SPTBN1: variants seen among roughly 807,000 people sequenced by gnomAD.
The protein encoded by SPTBN1 is spectrin beta, non-erythrocytic 1.
Under a neutral mutation model 266.4 loss-of-function variants are expected in SPTBN1, and 32 were observed. The ratio of observed to expected loss-of-function variants is 0.12; its 90% CI spans 0.09 to 0.16. SPTBN1 has a LOEUF of 0.16. Among genes scored for constraint, SPTBN1 ranks in the 10% least tolerant of loss-of-function variants. SPTBN1 has a pLI of 1.00. For missense variants in SPTBN1, 2,296 were observed against 3,067.1 expected, an observed-to-expected ratio of 0.75 and a Z score of 5.94; for synonymous variants, 1,336 against 1,162.2, an observed-to-expected ratio of 1.15 and a Z score of -3.04.
intron 3 of SPTBN1, among the ~76,000 whole-genome samples, chr2:54,603,438 C>G (rs1279644556): frequency 1.3e-5 from 2 of 152,210 alleles, no homozygotes; most frequent in Non-Finnish European, 2.9e-5. Context: ...TGGGCAACCT[C>G]TGCTTTACAG....
chr2:54,572,241 C>T (rs1466974683), intron 2 of SPTBN1, among the ~76,000 whole-genome samples: 2 of 152,076 alleles, frequency 1.3e-5, no homozygotes, highest in African/African-American at 4.8e-5. Flanking sequence ...TGAGATGGGG[C>T]AAGAATATTT....
chr2:54,552,413 C>G lies in SPTBN1; in HGVS notation c.148+25847C>G, dbSNP rs191116439. Among the ~76,000 whole-genome samples, 647 of 151,874 alleles carry G rather than the reference C, an allele frequency of 4.3e-3. 2 individuals are homozygous for G. The highest frequency in any genetic ancestry group is 7.3e-3 in the Admixed American group (112 of 15,260). ...TGCCAACTTTTTAGGCACAGAGAAC[C>G]AAGGTTAAAAATTGGCAGAGCCAGC... On this transcript the variant is annotated intron_variant, in intron 2 of 35. Transcript: ENST00000356805.
At chr2:54,466,735 C>T (rs897736266) in intron 1 of SPTBN1, among the ~76,000 whole-genome samples, 1 of 151,876 alleles carries the variant, frequency 6.6e-6, no homozygotes, top group African/African-American at 2.4e-5. Flanking sequence ...ATAACAAATT[C>T]TTGTTCTTTA....
rs1014387484 is a variant in SPTBN1 at position 54,469,217 on chromosome 2, C to T, written c.-48+12699C>T. 5.9e-5 allele frequency among the ~76,000 whole-genome samples: 9 copies of T among 152,106 alleles called. No individual in the cohort carries two copies. In the South Asian group the frequency reaches 1.2e-3, roughly 21 times the overall value. On this transcript the variant is annotated intron_variant, in intron 1 of 35. Transcript: ENST00000356805. ...CTGAGGAAGGTGCCAAAACGGCTTC[C>T]GTATCTGCTGAAGGAAAAGAGGGAG...
rs181776585 is a variant in SPTBN1, at chr2:54,584,413, A to C, written c.149-14679A>C. Among the ~76,000 whole-genome samples the C allele has an allele frequency of 5.8e-3, 886 of 152,364 alleles. 7 individuals are homozygous for C. The highest frequency in any genetic ancestry group is 0.02 in the African/African-American group (834 of 41,582). On this transcript the variant is annotated intron_variant, in intron 2 of 35. Coordinates refer to ENST00000356805, the MANE Select transcript of SPTBN1 (RefSeq NM_003128.3). Reference sequence around the variant, plus strand: ...ATATTTCTAGAAAACAAATATCTATAGATGTGATTAGTAGATGGAGGAAAT... The same window carrying C: ...ATATTTCTAGAAAACAAATATCTATCGATGTGATTAGTAGATGGAGGAAAT...
rs200574494 is a variant in SPTBN1, at chr2:54,668,539, G to A, written c.7065G>A (p.Lys2355=). 8.7e-6 allele frequency: 14 copies of A among 1,614,102 alleles called. No individual in the cohort carries two copies. Among genetic ancestry groups the A allele is most frequent in the Non-Finnish European group, 1.2e-5 (14 of 1,180,000 alleles). Residue 2355 remains lysine (K), a synonymous_variant, in exon 36 of 36, where the codon AAG becomes AAA. Coordinates refer to ENST00000356805, the MANE Select transcript of SPTBN1 (RefSeq NM_003128.3). Reference sequence around the variant, plus strand: ...AGGACAAAGAGAAAGACAAAGAGAAGCGGTTCAGCCTTTTTGGCAAAAAGA... The same window carrying A: ...AGGACAAAGAGAAAGACAAAGAGAAACGGTTCAGCCTTTTTGGCAAAAAGA... ...REKDKEKDKE[K]RFSLFGKKK
In SPTBN1 at chr2:54,628,734, A is replaced by C. The variant is rs1468087866; in HGVS notation, c.1799-199A>C. ...TCTGCGGTTTGGCCAAAAAAAAATA[A>C]TGTTTATCATTGCCCTCACTCCTGT... On this transcript the variant is annotated intron_variant, in intron 13 of 35. Transcript: ENST00000356805. The surrounding 1 kb of genome is among the most constrained non-coding windows in gnomAD (Gnocchi z 4.3). Among the ~76,000 whole-genome samples, 1 of 152,194 alleles carries C rather than the reference A, an allele frequency of 6.6e-6. No homozygotes were observed. Among genetic ancestry groups the C allele is most frequent in the Non-Finnish European group, 1.5e-5 (1 of 68,036 alleles).
intron 2 of SPTBN1, among the ~76,000 whole-genome samples, chr2:54,577,237 A>G (rs1674555705): frequency 6.6e-6 from 1 of 152,180 alleles, no homozygotes; most frequent in African/African-American, 2.4e-5. Flanking sequence ...CTAACCTGTT[A>G]GGGTTGTAGA....
rs1291496050 is a variant in SPTBN1 at position 54,558,277 on chromosome 2, A to C, written c.148+31711A>C. 1.9e-5 allele frequency: 19 copies of C among 985,238 alleles called. No individual in the cohort carries two copies. The highest frequency in any genetic ancestry group is 1.8e-4 in the Admixed American group (3 of 16,264). 61.0% of individuals were successfully genotyped at this position (985,238 alleles called of 1,614,324 possible). ...TCCCCCGCGCCCCTCCTCGTGGTATAGCCTGCATTTCTAATACAATGCTGT... is the reference window on the plus strand; with the variant it reads ...TCCCCCGCGCCCCTCCTCGTGGTATCGCCTGCATTTCTAATACAATGCTGT... On this transcript the variant is annotated intron_variant, in intron 2 of 35. Transcript: ENST00000356805. The surrounding 1 kb of genome is among the most constrained non-coding windows in gnomAD (Gnocchi z 4.6).
At chr2:54,573,069 T>C (rs1187767317) in intron 2 of SPTBN1, among the ~76,000 whole-genome samples, 1 of 152,224 alleles carries the variant, frequency 6.6e-6, no homozygotes, top group Non-Finnish European at 1.5e-5. Context: ...TGAAATGACC[T>C]TTCTTACCTC....
intron 2 of SPTBN1, among the ~76,000 whole-genome samples, chr2:54,531,608 G>GT (rs71408766): frequency 0.16 from 22,115 of 142,080 alleles, 1,654 homozygotes; most frequent in Middle Eastern, 0.2. Flanking sequence ...TTTGTTTTTT[G>GT]TTTTTTTTTT....
chr2:54,657,852 C>G lies in SPTBN1; in HGVS notation c.6049C>G (p.Leu2017Val), dbSNP rs1023854605. Residue 2017 changes from leucine to valine, a missense_variant and splice_region_variant, in exon 30 of 36, where the codon CTG (leucine) becomes GTG (valine). Leu to Val is a conservative substitution (Grantham distance 32). Transcript: ENST00000356805. ...CTAACTCATGGTACCCTGTGCAGTT[C>G]TGGAGGTCCATCAGTTCTCAAGAGA... ...EDRWEWLRLILEVHQFSRDAS... is the reference protein window; with the variant it reads ...EDRWEWLRLIVEVHQFSRDAS... The G allele has an allele frequency of 1.9e-6, 3 of 1,614,062 alleles. No homozygotes were observed. The highest frequency in any genetic ancestry group is 1.3e-5 in the African/African-American group (1 of 74,942).
chr2:54,529,490 C>T, intron 2 of SPTBN1: 1 of 715,724 alleles, frequency 1.4e-6, no homozygotes, highest in Non-Finnish European at 2.6e-6. Flanking sequence ...CTTCCAGCGG[C>T]CCAAGACACT....
At chr2:54,612,490 A>T (rs1677281242) in intron 4 of SPTBN1, among the ~76,000 whole-genome samples, 156 bp downstream of exon 4, 1 of 152,196 alleles carries the variant, frequency 6.6e-6, no homozygotes, top group South Asian at 2.1e-4. Flanking sequence ...CTCAGAATTG[A>T]ATGCTGCCTC....
At chr2:54,587,707 C>T (rs1044130077) in intron 2 of SPTBN1, among the ~76,000 whole-genome samples, 1 of 152,158 alleles carries the variant, frequency 6.6e-6, no homozygotes, top group African/African-American at 2.4e-5. Context: ...TTCCACCCTT[C>T]TCATCCTTTG....
chr2:54,647,024 T>C (rs1302456992), intron 23 of SPTBN1, 107 bp from the exon 24 acceptor site: 10 of 1,546,352 alleles, frequency 6.5e-6, no homozygotes, highest in Non-Finnish European at 8.8e-6. Context: ...GGAGTTTTTC[T>C]TTCTACTGAT....
rs539530997 is a variant in SPTBN1 at position 54,604,525 on chromosome 2, C to A, written c.300+5282C>A. 2.0e-5 allele frequency among the ~76,000 whole-genome samples: 3 copies of A among 152,270 alleles called. No individual in the cohort carries two copies. In the South Asian group the frequency reaches 6.2e-4, roughly 32 times the overall value. ...AGTGCCCCAGGAGGGATCACCCAGC[C>A]CCCTCCTTCCTCTCTAAGGGTTTTT... is the stretch of plus-strand genomic sequence containing the variant. On this transcript the variant is annotated intron_variant, in intron 3 of 35. Transcript: ENST00000356805.
intron 3 of SPTBN1, among the ~76,000 whole-genome samples, chr2:54,609,749 C>T (rs1281470883): frequency 6.6e-6 from 1 of 152,136 alleles, no homozygotes; most frequent in Non-Finnish European, 1.5e-5. Context: ...AACGCAGCCT[C>T]TTACTGGCAA....
chr2:54,639,763 C>G lies in SPTBN1; in HGVS notation c.3858+1960C>G, dbSNP rs531679813. Among the ~76,000 whole-genome samples the G allele has an allele frequency of 4.6e-5, 7 of 152,366 alleles. No homozygotes were observed. In the South Asian group the frequency reaches 1.0e-3, roughly 23 times the overall value. ...GTTATGAGGAGTTCTCTCCTCCACA[C>G]ACACCTTGGCTGAGTTCCAGTGATT... On this transcript the variant is annotated intron_variant, in intron 18 of 35. Transcript: ENST00000356805.
Sources: gnomAD v4.1 joint callset for allele counts (sites outside exome capture counted in the v4.1 genomes callset) on GRCh38, gnomAD v4.1.1 for gene constraint, Gnocchi (gnomAD v3.1) non-coding constraint, MANE v1.5 for transcripts, NCBI Gene and HGNC (gene_info 2026-07-23, HGNC 2026-07-21) for gene names.